The following DPP6 variants were observed in gnomAD, a reference collection of about 807,000 sequenced individuals.
DPP6 encodes A-type potassium channel modulatory protein DPP6.
A neutral mutation model predicts 122.6 loss-of-function variants in DPP6; 69 were observed. The ratio of observed to expected loss-of-function variants is 0.56; its 90% CI spans 0.46 to 0.69. The LOEUF is 0.69. DPP6 is among the 30% of genes least tolerant of loss of function. The pLI, the probability that DPP6 is intolerant of heterozygous loss-of-function variation, is 0.00. For missense variants in DPP6, 928 were observed against 1,116.9 expected (o/e 0.83, Z 2.41); for synonymous variants, 418 against 433.1 (o/e 0.97, Z 0.43).
chr7:154,173,231 C>T (rs1021210797), intron 1 of DPP6, among the ~76,000 whole-genome samples: 1 of 152,124 alleles, frequency 6.6e-6, no homozygotes. Context: ...CTGACTGTGC[C>T]AGCGTGGGAC....
At chr7:154,705,518 A>T (rs1297749679) in intron 7 of DPP6, among the ~76,000 whole-genome samples, 2 of 152,138 alleles carry the variant, frequency 1.3e-5, no homozygotes, top group South Asian at 4.1e-4. Context: ...CAGAGGCAAG[A>T]AGCAGTAGAC....
chr7:154,235,377 G>T lies in DPP6; in HGVS notation c.243+182314G>T, dbSNP rs565427147. 1.1e-3 allele frequency among the ~76,000 whole-genome samples: 173 copies of T among 152,260 alleles called. No homozygotes were observed. In the Middle Eastern group the frequency reaches 0.024, roughly 21 times the overall value. On this transcript the variant is annotated intron_variant, in intron 1 of 25. Coordinates refer to ENST00000377770, the MANE Select transcript of DPP6 (RefSeq NM_130797.4). ...TCATGCCTTTCTATTGTCAAATAAC[G>T]ACACAGTGTTTTACAACCCCTTTCC...
At chr7:154,238,073 G>A (rs955562318) in intron 1 of DPP6, among the ~76,000 whole-genome samples, 1 of 152,130 alleles carries the variant, frequency 6.6e-6, no homozygotes, top group Non-Finnish European at 1.5e-5. Flanking sequence ...GATGTCTAAC[G>A]GATCCTTTTC....
intron 7 of DPP6, among the ~76,000 whole-genome samples, chr7:154,691,319 CTTT>C (rs970058073): frequency 6.6e-6 from 1 of 152,146 alleles, no homozygotes; most frequent in African/African-American, 2.4e-5. Flanking sequence ...GCTCATGTCT[CTTT>C]TTAACAAATG....
At chr7:154,373,102 T>C (rs1812816366) in intron 1 of DPP6, among the ~76,000 whole-genome samples, 1 of 152,170 alleles carries the variant, frequency 6.6e-6, no homozygotes, top group Non-Finnish European at 1.5e-5. Context: ...CTCACATTCT[T>C]TCATTTAAAA....
At chr7:153,865,981 C>A in the DPP6 span, among the ~76,000 whole-genome samples, 1 of 152,128 alleles carries the variant, frequency 6.6e-6, no homozygotes, top group African/African-American at 2.4e-5. Flanking sequence ...AGGACATGAA[C>A]CCATCATTTT....
intron 1 of DPP6, among the ~76,000 whole-genome samples, chr7:154,147,841 G>A (rs1796193151): frequency 1.3e-5 from 2 of 152,084 alleles, no homozygotes; most frequent in Admixed American, 6.5e-5. Context: ...GCAGCACCTG[G>A]CCTATTAATT....
At chr7:153,885,821 G>GTTTACAC (rs2128990646), upstream of DPP6, among the ~76,000 whole-genome samples, 1 of 152,188 alleles carries the variant, frequency 6.6e-6, no homozygotes, top group Admixed American at 6.5e-5. Context: ...CAAATCATTA[G>GTTTACAC]TTTACACTTG....
intron 1 of DPP6, among the ~76,000 whole-genome samples, chr7:154,432,305 T>C (rs1480018108): frequency 6.6e-6 from 1 of 152,198 alleles, no homozygotes; most frequent in African/African-American, 2.4e-5. Context: ...TACAAGAACA[T>C]GGTTTTCACG....
At chr7:154,322,955 G>C (rs1808104797) in intron 1 of DPP6, among the ~76,000 whole-genome samples, 1 of 152,000 alleles carries the variant, frequency 6.6e-6, no homozygotes, top group African/African-American at 2.4e-5. Flanking sequence ...CATTATGACT[G>C]TACCACCATA....
intron 1 of DPP6, among the ~76,000 whole-genome samples, chr7:154,154,822 A>G (rs1796601706): frequency 6.6e-6 from 1 of 152,230 alleles, no homozygotes; most frequent in African/African-American, 2.4e-5. Flanking sequence ...AAAGCTCAGG[A>G]TCTCCTTTGA....
At chr7:153,948,756 C>A (rs1319613972) in intron 1 of DPP6, among the ~76,000 whole-genome samples, 1 of 149,096 alleles carries the variant, frequency 6.7e-6, no homozygotes, top group Non-Finnish European at 1.5e-5. Context: ...AAAACACCCT[C>A]CCCGAGAACA....
intron 7 of DPP6, among the ~76,000 whole-genome samples, chr7:154,676,927 G>A (rs1838949329): frequency 6.6e-6 from 1 of 152,230 alleles, no homozygotes; most frequent in Non-Finnish European, 1.5e-5. Flanking sequence ...TGACCTTGCA[G>A]TTGTGGGGGG....
the DPP6 span, among the ~76,000 whole-genome samples, chr7:153,881,072 G>A: frequency 6.6e-6 from 1 of 152,192 alleles, no homozygotes; most frequent in Admixed American, 6.5e-5. Context: ...ATTCTTAGTT[G>A]AAAGTATAGT....
chr7:154,231,154 C>A (rs1800895872), intron 1 of DPP6, among the ~76,000 whole-genome samples: 1 of 152,204 alleles, frequency 6.6e-6, no homozygotes, highest in South Asian at 2.1e-4. Context: ...TGACAGGGTC[C>A]TCTTTACTCA....
chr7:154,293,250 T>C (rs1805321949), intron 1 of DPP6, among the ~76,000 whole-genome samples: 1 of 152,262 alleles, frequency 6.6e-6, no homozygotes, highest in Non-Finnish European at 1.5e-5. Flanking sequence ...CTTCCGCTGG[T>C]ATTTCATCTT....
chr7:154,479,602 C>T (rs1378840494), intron 3 of DPP6, among the ~76,000 whole-genome samples: 1 of 148,124 alleles, frequency 6.8e-6, no homozygotes, highest in African/African-American at 2.5e-5. Flanking sequence ...AAAAGGCTCA[C>T]TCTGGGCTCC....
chr7:154,374,121 C>T (rs947092620), intron 1 of DPP6, among the ~76,000 whole-genome samples: 18 of 152,162 alleles, frequency 1.2e-4, no homozygotes, highest in African/African-American at 4.3e-4. Context: ...CCATCAGGCT[C>T]TTAATGAGAG....
At chr7:154,674,943 T>C (rs1245723880) in intron 7 of DPP6, among the ~76,000 whole-genome samples, 4 of 152,208 alleles carry the variant, frequency 2.6e-5, no homozygotes, top group Non-Finnish European at 5.9e-5. Context: ...AGTGAGCAAC[T>C]GTCCTGTGTC....
Sources: allele counts gnomAD v4.1 joint callset (sites outside exome capture counted in the v4.1 genomes callset), GRCh38; gene constraint gnomAD v4.1.1; transcripts MANE v1.5; gene names NCBI Gene and HGNC (gene_info 2026-07-23, HGNC 2026-07-21).